FOXP2: variants seen among roughly 807,000 people sequenced by gnomAD.
The protein encoded by FOXP2 is forkhead box P2.
Under a neutral mutation model 115.8 loss-of-function variants are expected in FOXP2, and 12 were observed. The ratio of observed to expected loss-of-function variants is 0.10; its 90% CI spans 0.07 to 0.17. FOXP2 has a LOEUF of 0.17. FOXP2 is among the 10% of genes least tolerant of loss of function. FOXP2 has a pLI of 1.00. For synonymous variants in FOXP2, 328 were observed against 297.7 expected (o/e 1.10, Z -1.05); for missense variants, 629 against 843.5 (o/e 0.75, Z 3.15).
chr7:114,308,275 T>C lies in FOXP2; in HGVS notation c.-11+20166T>C, dbSNP rs75186665. The stretch of plus-strand genomic sequence containing the variant: ...ACTGGGGGGGACTCAGTGAACAATA[T>C]ACTCAACCAATTAGTCATTATACTA... On this transcript the variant is annotated intron_variant, in intron 2 of 17. Coordinates refer to the FOXP2 transcript ENST00000634411. 7.7e-3 allele frequency among the ~76,000 whole-genome samples: 1,169 copies of C among 152,230 alleles called. 15 individuals carry two copies. Among genetic ancestry groups the C allele is most frequent in the African/African-American group, 0.026 (1,091 of 41,538 alleles).
At chr7:114,174,333 A>C (rs1793230362) in intron 1 of FOXP2, among the ~76,000 whole-genome samples, 1 of 152,022 alleles carries the variant, frequency 6.6e-6, no homozygotes, top group African/African-American at 2.4e-5. Flanking sequence ...TGTTGAATTC[A>C]GGAAATAGGG....
At chr7:114,637,505 C>T (rs754221280) in intron 6 of FOXP2, among the ~76,000 whole-genome samples, 3 of 152,050 alleles carry the variant, frequency 2.0e-5, no homozygotes, top group African/African-American at 4.8e-5. Flanking sequence ...TGCCAGTACA[C>T]GAGTGTTCTG....
Position 114,209,218 on chromosome 7 carries a change from C to T in FOXP2, c.-102+46130C>T, listed in dbSNP as rs1794281862. Among the ~76,000 whole-genome samples, 4 of 152,144 alleles carry T rather than the reference C, an allele frequency of 2.6e-5. No homozygotes were observed. The South Asian group carries it at 8.3e-4, about 32-fold the overall frequency. ...TGGACATTCATTCTTCTCCTTGCTG[C>T]TCCCATGTGAAGAAGGACATGTTTG... is the stretch of plus-strand genomic sequence containing the variant. On this transcript the variant is annotated intron_variant, in intron 1 of 17. Transcript: ENST00000634411.
rs1806766785 is a variant in FOXP2 at position 114,659,614 on chromosome 7, A to C, written c.1588A>C (p.Ile530Leu). The C allele has an allele frequency of 6.2e-7, 1 of 1,613,616 alleles. No individual in the cohort carries two copies. Among genetic ancestry groups the C allele is most frequent in the African/African-American group, 1.3e-5 (1 of 74,878 alleles). ...TGACAGGCAGTTAACACTTAATGAA[A>C]TTTACAGCTGGTTTACACGGACATT... ...SSDRQLTLNE[I>L]YSWFTRTFAY... Residue 530 changes from isoleucine to leucine, a missense_variant, in exon 13 of 17, where the codon ATT (isoleucine) becomes CTT (leucine). Physicochemically the swap from Ile to Leu is conservative, Grantham distance 5. Coordinates refer to ENST00000350908, the MANE Select transcript of FOXP2 (RefSeq NM_014491.4).
intron 2 of FOXP2, among the ~76,000 whole-genome samples, chr7:114,316,595 A>G (rs1407193324): frequency 2.0e-5 from 3 of 152,168 alleles, no homozygotes; most frequent in Admixed American, 1.3e-4. Context: ...CCTAACTCGT[A>G]TGGTGGCTTT....
At chr7:114,238,826 A>G (rs1002172253) in intron 1 of FOXP2, among the ~76,000 whole-genome samples, 1 of 151,786 alleles carries the variant, frequency 6.6e-6, no homozygotes, top group Non-Finnish European at 1.5e-5. Flanking sequence ...TAACCTCTGT[A>G]ATAATATATT....
At chr7:114,619,104 T>C (rs1804100712) in intron 3 of FOXP2, among the ~76,000 whole-genome samples, 1 of 152,188 alleles carries the variant, frequency 6.6e-6, no homozygotes, top group Non-Finnish European at 1.5e-5. Flanking sequence ...TTTCAAAGTC[T>C]AACACTGCAA....
intron 3 of FOXP2, among the ~76,000 whole-genome samples, chr7:114,554,508 C>G (rs1468241835): frequency 1.3e-5 from 2 of 152,024 alleles, no homozygotes; most frequent in African/African-American, 4.8e-5. Flanking sequence ...TTTTCTTTCC[C>G]AGTAAACTTA....
intron 1 of FOXP2, among the ~76,000 whole-genome samples, chr7:114,270,919 A>C (rs1386967842): frequency 6.6e-6 from 1 of 151,768 alleles, no homozygotes; most frequent in Non-Finnish European, 1.5e-5. Context: ...TATTATTTTC[A>C]CATTTAGGGC....
intron 1 of FOXP2, among the ~76,000 whole-genome samples, chr7:114,176,499 C>T (rs190714863): frequency 1.3e-5 from 2 of 151,620 alleles, no homozygotes; most frequent in South Asian, 2.1e-4. Context: ...ACCACCACGC[C>T]CGGCTAATTT....
rs1416780455 is a variant in FOXP2 at position 114,690,401 on chromosome 7, G to T, written c.*475G>T. 1 of 453,832 alleles carries T rather than the reference G, an allele frequency of 2.2e-6. No homozygotes were observed. The highest frequency in any genetic ancestry group is 2.0e-5 in the African/African-American group (1 of 49,988). 28.1% of individuals were successfully genotyped at this position (453,832 alleles called of 1,614,324 possible). ...TGGTCAAGTTCAACTTGTTGCTATT[G>T]TTTTTAATTTGCACAGGAGTAGTAT... On this transcript the variant is annotated 3_prime_UTR_variant, in exon 17 of 17. Transcript: ENST00000350908.
intron 16 of FOXP2, among the ~76,000 whole-genome samples, chr7:114,670,486 C>T (rs554823403): frequency 1.3e-5 from 2 of 151,986 alleles, no homozygotes; most frequent in South Asian, 4.1e-4. Flanking sequence ...TTCTTCATAA[C>T]CTCAGTTGTT....
chr7:114,522,777 A>G (rs1798684651), intron 2 of FOXP2, among the ~76,000 whole-genome samples: 1 of 152,052 alleles, frequency 6.6e-6, no homozygotes, highest in Non-Finnish European at 1.5e-5. Flanking sequence ...CATAACTCTA[A>G]TTTACCACAT....
At chr7:114,425,573 T>C (rs1662377382) in intron 1 of FOXP2, among the ~76,000 whole-genome samples, 1 of 151,662 alleles carries the variant, frequency 6.6e-6, no homozygotes, top group Non-Finnish European at 1.5e-5. Flanking sequence ...GCAGTGAAAA[T>C]GATAAAACAT....
chr7:114,581,441 C>T (rs1359936322), intron 3 of FOXP2, among the ~76,000 whole-genome samples: 2 of 152,026 alleles, frequency 1.3e-5, no homozygotes, highest in Non-Finnish European at 2.9e-5. Context: ...TGTGCCTGGC[C>T]ATCTTCTTTA....
At chr7:114,615,179 A>G (rs1384395013) in intron 3 of FOXP2, among the ~76,000 whole-genome samples, 1 of 152,174 alleles carries the variant, frequency 6.6e-6, no homozygotes. Context: ...AGATCGTGCC[A>G]CTGCACTCAA....
intron 1 of FOXP2, 51 bp downstream of exon 1, chr7:114,415,411 G>A (rs1793293414): frequency 2.6e-6 from 1 of 388,430 alleles, no homozygotes; most frequent in Non-Finnish European, 5.0e-6. Flanking sequence ...GAGAGGGGTG[G>A]GATTTTACGA....
chr7:114,663,351 G>A (rs1391878305), intron 14 of FOXP2, 99 bp from the exon 15 acceptor site: 2 of 853,384 alleles, frequency 2.3e-6, no homozygotes, highest in Non-Finnish European at 1.9e-6. Flanking sequence ...TGGACTATTA[G>A]TGTGAGACAA....
intron 1 of FOXP2, among the ~76,000 whole-genome samples, chr7:114,221,254 G>A (rs910292797): frequency 6.6e-6 from 1 of 151,778 alleles, no homozygotes; most frequent in South Asian, 2.1e-4. Context: ...TCTTCATATG[G>A]GTAAAAACAG....
Sources: gnomAD v4.1 joint callset for allele counts (sites outside exome capture counted in the v4.1 genomes callset) on GRCh38, gnomAD v4.1.1 for gene constraint, MANE v1.5 for transcripts, NCBI Gene and HGNC (gene_info 2026-07-23, HGNC 2026-07-21) for gene names.